Variants in DYM observed in about 807,000 individuals in gnomAD.
DYM encodes dymeclin, also known as dyggve-Melchior-Clausen syndrome protein.
DYM carries 78 observed loss-of-function variants against 93.1 expected under a neutral mutation model. The observed-to-expected ratio is 0.84, with a 90% CI of 0.70 to 1.01. The LOEUF (loss-of-function observed/expected upper bound fraction) is 1.01. Ranked by LOEUF, DYM falls within the 50% of genes least tolerant of loss-of-function variation. The pLI, the probability that DYM is intolerant of heterozygous loss-of-function variation, is 0.00. For synonymous variants in DYM, 321 were observed against 319.7 expected (o/e 1.00, Z -0.04); for missense variants, 789 against 845.0 (o/e 0.93, Z 0.82).
In DYM at chr18:49,286,580, C is replaced by T; in HGVS notation, c.800G>A (p.Gly267Asp). 2 of 1,614,026 alleles carry T rather than the reference C, an allele frequency of 1.2e-6. No homozygotes were observed. The highest frequency in any genetic ancestry group is 1.7e-5 in the Admixed American group (1 of 60,018). The change falls in exon 9 of 18, where the codon GGC becomes GAC. Residue 267 changes from glycine to aspartate, a missense_variant. Coordinates refer to ENST00000675505, the MANE Select transcript of DYM (RefSeq NM_001353214.3). ...CTCTGGAGAGGCAGCCGCTTTGCTG[C>T]CCACACCACCTAGTGTGAAGACAGT... Reference protein sequence around the residue: ...LWTVFTLGGVGSKAAASPELS... With the variant: ...LWTVFTLGGVDSKAAASPELS...
At chr18:49,417,655 G>A (rs2073144984) in intron 2 of DYM, among the ~76,000 whole-genome samples, 1 of 152,058 alleles carries the variant, frequency 6.6e-6, no homozygotes, top group African/African-American at 2.4e-5. Context: ...TAATATACAT[G>A]CTATTATTTA....
At chr18:49,352,384 C>T (rs2065187207) in intron 6 of DYM, among the ~76,000 whole-genome samples, 1 of 152,158 alleles carries the variant, frequency 6.6e-6, no homozygotes, top group East Asian at 1.9e-4. Context: ...CTCAATAAAG[C>T]TTTATTTTTA....
intron 13 of DYM, among the ~76,000 whole-genome samples, chr18:49,241,962 GTTATCAACCATTT>G (rs759875338): frequency 4.6e-5 from 7 of 152,174 alleles, no homozygotes; most frequent in Non-Finnish European, 8.8e-5. Flanking sequence ...TACGCTGCGA[GTTATCAACCATTT>G]TCCCAGCACT....
intron 1 of DYM, among the ~76,000 whole-genome samples, chr18:49,443,054 G>A (rs1410068576): frequency 1.3e-5 from 2 of 151,878 alleles, no homozygotes; most frequent in Admixed American, 1.3e-4. Flanking sequence ...CACCATGTTG[G>A]CCAGGCTGGT....
chr18:49,380,128 G>A (rs1177826058), intron 3 of DYM, among the ~76,000 whole-genome samples: 1 of 151,896 alleles, frequency 6.6e-6, no homozygotes, highest in Non-Finnish European at 1.5e-5. Flanking sequence ...CCAGTATATA[G>A]AATATAATAA....
chr18:49,217,385 A>T (rs1015381067), intron 13 of DYM, among the ~76,000 whole-genome samples: 11 of 152,258 alleles, frequency 7.2e-5, no homozygotes, highest in African/African-American at 2.6e-4. Flanking sequence ...CAACGTTCAG[A>T]TTCAGGAAAT....
intron 6 of DYM, among the ~76,000 whole-genome samples, chr18:49,341,708 A>G (rs2147012776): frequency 6.6e-6 from 1 of 152,246 alleles, no homozygotes; most frequent in African/African-American, 2.4e-5. Context: ...TCAAAAATAT[A>G]AATTAAAAAA....
intron 4 of DYM, 52 bp downstream of exon 4, chr18:49,379,612 TA>T: frequency 7.0e-7 from 1 of 1,427,964 alleles, no homozygotes; most frequent in Non-Finnish European, 9.9e-7. Context: ...AAATGAAAAC[TA>T]AAATTCACAT....
At chr18:49,142,616 G>T (rs555195429) in intron 15 of DYM, among the ~76,000 whole-genome samples, 1 of 152,062 alleles carries the variant, frequency 6.6e-6, no homozygotes, top group Non-Finnish European at 1.5e-5. Context: ...AAACATTTCT[G>T]TTAGATGCAG....
intron 8 of DYM, among the ~76,000 whole-genome samples, chr18:49,317,683 TCC>T (rs1568237213): frequency 2.3e-5 from 3 of 130,172 alleles, no homozygotes; most frequent in African/African-American, 8.6e-5. Flanking sequence ...CTTCCTTCCT[TCC>T]TTCCTTTCTT....
At chr18:49,102,450 T>A (rs909658751) in intron 16 of DYM, among the ~76,000 whole-genome samples, 2 of 152,202 alleles carry the variant, frequency 1.3e-5, no homozygotes, top group Admixed American at 6.5e-5. Context: ...AGTTTTAGGG[T>A]ACACGTGCAC....
intron 8 of DYM, among the ~76,000 whole-genome samples, chr18:49,303,246 T>C (rs567384432): frequency 6.6e-6 from 1 of 152,238 alleles, no homozygotes; most frequent in African/African-American, 2.4e-5. Context: ...CCTTTCTTTA[T>C]GGTTCATTCC....
chr18:49,096,747 A>T (rs1257808399), intron 17 of DYM, among the ~76,000 whole-genome samples: 5 of 152,206 alleles, frequency 3.3e-5, no homozygotes, highest in Non-Finnish European at 7.3e-5. Flanking sequence ...TGCCTTCTTC[A>T]AATACAGCAC....
At chr18:49,301,868 G>A (rs2060959985) in intron 8 of DYM, among the ~76,000 whole-genome samples, 1 of 152,160 alleles carries the variant, frequency 6.6e-6, no homozygotes, top group African/African-American at 2.4e-5. Context: ...TGGTGCCCTA[G>A]GTATTCTGAG....
At chr18:49,068,004 T>C (rs1035518204) in intron 17 of DYM, among the ~76,000 whole-genome samples, 1 of 152,056 alleles carries the variant, frequency 6.6e-6, no homozygotes, top group African/African-American at 2.4e-5. Flanking sequence ...AGAATTTGAG[T>C]TAACATAAAT....
chr18:49,048,539 G>T (rs1032612044), intron 17 of DYM: 1 of 152,226 alleles, frequency 6.6e-6, no homozygotes, highest in Non-Finnish European at 1.5e-5. Flanking sequence ...AGGCTGTGAG[G>T]CAGCTTATGC....
chr18:49,059,478 A>G (rs983902500), intron 17 of DYM, among the ~76,000 whole-genome samples: 4 of 152,216 alleles, frequency 2.6e-5, no homozygotes, highest in African/African-American at 9.6e-5. Context: ...TACAATGGTG[A>G]TACAAAATAA....
intron 11 of DYM, among the ~76,000 whole-genome samples, chr18:49,261,801 A>AAT (rs997908240): frequency 2.6e-5 from 4 of 152,184 alleles, no homozygotes; most frequent in Non-Finnish European, 5.9e-5. Flanking sequence ...AATATTTTTT[A>AAT]ATATATATAT....
At chr18:49,188,487 A>T (rs1457843980) in intron 14 of DYM, among the ~76,000 whole-genome samples, 1 of 152,202 alleles carries the variant, frequency 6.6e-6, no homozygotes, top group East Asian at 1.9e-4. Flanking sequence ...GAATATGGGT[A>T]CACATGGAAT....
Sources: allele counts gnomAD v4.1 joint callset (sites outside exome capture counted in the v4.1 genomes callset), GRCh38; gene constraint gnomAD v4.1.1; transcripts MANE v1.5; gene names NCBI Gene and HGNC (gene_info 2026-07-23, HGNC 2026-07-21).